Variants in FAM222B observed in about 807,000 individuals in gnomAD.
The protein encoded by FAM222B is family with sequence similarity 222 member B, also known as protein FAM222B.
In FAM222B, 12 loss-of-function variants were observed where a neutral mutation model predicts 38.0. The observed-to-expected ratio is 0.32, with a 90% confidence interval of 0.20 to 0.51. The LOEUF (loss-of-function observed/expected upper bound fraction) is 0.51, where lower values mean the gene tolerates loss of function less well. Among genes scored for constraint, FAM222B ranks in the 20% least tolerant of loss-of-function variants. FAM222B has a pLI of 0.97. For missense variants in FAM222B, 716 were observed against 754.2 expected, an observed-to-expected ratio of 0.95 and a Z score of 0.59; for synonymous variants, 329 against 317.2, an observed-to-expected ratio of 1.04 and a Z score of -0.40.
At chr17:28,779,005 A>G (rs1259104012) in intron 1 of FAM222B, among the ~76,000 whole-genome samples, 1 of 151,992 alleles carries the variant, frequency 6.6e-6, no homozygotes, top group Non-Finnish European at 1.5e-5. Context: ...CAGAGTTGTC[A>G]GACTGAGTAG....
At chr17:28,802,222 C>T (rs549909455) in intron 1 of FAM222B, among the ~76,000 whole-genome samples, 117 of 151,882 alleles carry the variant, frequency 7.7e-4, no homozygotes, top group African/African-American at 2.7e-3. Flanking sequence ...TTCAGCCTCC[C>T]GAGTAGCTGG....
At position 28,766,692 on chromosome 17, in the gene FAM222B, G is replaced by A. The variant is rs2035346328; in HGVS notation, c.-25C>T. ...TGGCAGATTGGCATCAACACAACATGGGGCAGTGGCTCACACTGTAATGAA... is the reference window on the plus strand; with the variant it reads ...TGGCAGATTGGCATCAACACAACATAGGGCAGTGGCTCACACTGTAATGAA... On this transcript the variant is annotated 5_prime_UTR_variant, in exon 2 of 3. Coordinates refer to ENST00000581407, the MANE Select transcript of FAM222B (RefSeq NM_001077498.3). The A allele has an allele frequency of 7.6e-6, 12 of 1,570,802 alleles. No individual in the cohort carries two copies. The highest frequency in any genetic ancestry group is 1.0e-5 in the Non-Finnish European group (12 of 1,151,530).
At chr17:28,805,753 T>C (rs2037465996) in intron 1 of FAM222B, among the ~76,000 whole-genome samples, 1 of 152,186 alleles carries the variant, frequency 6.6e-6, no homozygotes, top group South Asian at 2.1e-4. Context: ...TACTGCTTAG[T>C]TGAATGACCA....
At chr17:28,833,392 G>T (rs1383831391) in intron 1 of FAM222B, among the ~76,000 whole-genome samples, 1 of 151,820 alleles carries the variant, frequency 6.6e-6, no homozygotes, top group African/African-American at 2.4e-5. Flanking sequence ...CGAAGCAGGT[G>T]CATCACCTGA....
chr17:28,799,297 C>A (rs1597955093), intron 1 of FAM222B, among the ~76,000 whole-genome samples: 1 of 110,936 alleles, frequency 9.0e-6, no homozygotes. Context: ...CACAGAAAAA[C>A]TTTTTTTTTT....
chr17:28,781,305 C>CA (rs771089733), intron 1 of FAM222B, among the ~76,000 whole-genome samples: 1 of 151,716 alleles, frequency 6.6e-6, no homozygotes, highest in African/African-American at 2.4e-5. Context: ...TCTCAAAAAA[C>CA]AAAAAACCAA....
Position 28,758,589 on chromosome 17 carries a change from ATGT to A in FAM222B, c.1367_1369del (p.Asn456del). 6.2e-7 allele frequency: 1 copy of A among 1,610,772 alleles called. No homozygotes were observed. The highest frequency in any genetic ancestry group is 8.5e-7 in the Non-Finnish European group (1 of 1,179,856). ...GCTGTCGCTATTGGGAGTGGGCAGA[ATGT>A]TGTTCCACAGGGGTTGGAAGTAGTG... On this transcript the variant is annotated inframe_deletion, in exon 3 of 3. Transcript: ENST00000581407.
At chr17:28,843,442 C>CTTT (rs1161514672), upstream of FAM222B, among the ~76,000 whole-genome samples, 80 of 86,976 alleles carry the variant, frequency 9.2e-4, no homozygotes, top group African/African-American at 1.3e-3. Context: ...CAGCCTGGGT[C>CTTT]TTTTTTTTTT....
chr17:28,843,702 C>G (rs1318891298), upstream of FAM222B, among the ~76,000 whole-genome samples: 1 of 152,118 alleles, frequency 6.6e-6, no homozygotes, highest in Non-Finnish European at 1.5e-5. Context: ...CCCGCCCCGG[C>G]CTCCCAAAGT....
chr17:28,781,127 G>T (rs983051868), intron 1 of FAM222B, among the ~76,000 whole-genome samples: 3 of 152,006 alleles, frequency 2.0e-5, no homozygotes, highest in South Asian at 2.1e-4. Flanking sequence ...TCAGAGAAAT[G>T]CAAGTTAAAA....
chr17:28,791,042 G>A (rs2151871003), intron 1 of FAM222B, among the ~76,000 whole-genome samples: 1 of 151,132 alleles, frequency 6.6e-6, no homozygotes, highest in Non-Finnish European at 1.5e-5. Flanking sequence ...GGCGTAGCTG[G>A]GACTACAGGT....
intron 1 of FAM222B, among the ~76,000 whole-genome samples, chr17:28,840,293 G>C (rs781186865): frequency 6.6e-6 from 1 of 152,098 alleles, no homozygotes; most frequent in Non-Finnish European, 1.5e-5. Context: ...TTGAACCCGG[G>C]AGGTGGAGGT....
At chr17:28,814,770 CTTTTTTT>C (rs35921944) in intron 1 of FAM222B, among the ~76,000 whole-genome samples, 1 of 117,604 alleles carries the variant, frequency 8.5e-6, no homozygotes, top group Non-Finnish European at 1.7e-5. Context: ...CCAGGCCGAT[CTTTTTTT>C]TTTTTTTTTT....
intron 1 of FAM222B, among the ~76,000 whole-genome samples, chr17:28,786,184 A>T (rs1426094712): frequency 1.3e-5 from 2 of 151,908 alleles, no homozygotes; most frequent in African/African-American, 4.8e-5. Context: ...CTTCCTAATG[A>T]ATTGGAGGAA....
At chr17:28,789,464 G>C (rs973533670) in intron 1 of FAM222B, among the ~76,000 whole-genome samples, 2 of 152,102 alleles carry the variant, frequency 1.3e-5, no homozygotes, top group Non-Finnish European at 2.9e-5. Flanking sequence ...AATTCCTGGG[G>C]TTACAGGCGT....
In FAM222B at chr17:28,759,642, T is replaced by C; in HGVS notation, c.317A>G (p.Lys106Arg). 6.2e-7 allele frequency: 1 copy of C among 1,613,164 alleles called. No individual in the cohort carries two copies. The highest frequency in any genetic ancestry group is 8.5e-7 in the Non-Finnish European group (1 of 1,179,562). Residue 106 changes from lysine (K) to arginine (R), a missense_variant, in exon 3 of 3, where the codon AAA (lysine) becomes AGA (arginine). Transcript: ENST00000581407. The surrounding 1 kb of genome is among the most constrained non-coding windows in gnomAD (Gnocchi z 4.8). ...CTTGAGTATGCTTTTGGCTGGCACT[T>C]TGACAATGGCAAGCAGGCCTGCCTT... is the stretch of plus-strand genomic sequence containing the variant. ...ATKAGLLAIVKVPAKSILKDF... is the reference protein window; with the variant it reads ...ATKAGLLAIVRVPAKSILKDF...
chr17:28,815,282 C>T (rs1243939153), intron 1 of FAM222B, among the ~76,000 whole-genome samples: 2 of 150,584 alleles, frequency 1.3e-5, no homozygotes, highest in East Asian at 2.0e-4. Context: ...GGCGCGATCT[C>T]GGCGCACTGC....
At chr17:28,786,730 C>T (rs2036426837) in intron 1 of FAM222B, among the ~76,000 whole-genome samples, 2 of 152,020 alleles carry the variant, frequency 1.3e-5, no homozygotes, top group Admixed American at 1.3e-4. Context: ...TGTACTTGGC[C>T]ATGTACCCAC....
At chr17:28,782,645 C>A (rs562623825) in intron 1 of FAM222B, among the ~76,000 whole-genome samples, 12 of 152,234 alleles carry the variant, frequency 7.9e-5, no homozygotes, top group Admixed American at 7.2e-4. Flanking sequence ...AAATTATATG[C>A]ACACAAAAAT....
Sources: allele counts gnomAD v4.1 joint callset (sites outside exome capture counted in the v4.1 genomes callset), GRCh38; gene constraint gnomAD v4.1.1; non-coding constraint Gnocchi (gnomAD v3.1); transcripts MANE v1.5; gene names NCBI Gene and HGNC (gene_info 2026-07-23, HGNC 2026-07-21).